The following THRB variants were observed in gnomAD, a reference collection of about 807,000 sequenced individuals.
THRB encodes thyroid hormone receptor beta.
THRB carries 12 observed loss-of-function variants against 47.8 expected under a neutral mutation model. The ratio of observed to expected loss-of-function variants is 0.25; its 90% CI spans 0.16 to 0.41. The LOEUF is 0.41. Among genes scored for constraint, THRB ranks in the 10% least tolerant of loss-of-function variants. THRB has a pLI of 1.00. For missense variants in THRB, 348 were observed against 589.2 expected (o/e 0.59, Z 4.24); for synonymous variants, 218 against 212.2 (o/e 1.03, Z -0.24).
At chr3:24,492,486 A>G (rs1296348841) in intron 1 of THRB, among the ~76,000 whole-genome samples, 3 of 152,216 alleles carry the variant, frequency 2.0e-5, no homozygotes, top group Non-Finnish European at 4.4e-5. Context: ...CTAGAATGAG[A>G]AGACCAGGGC....
chr3:24,146,632 A>C, intron 7 of THRB, 43 bp downstream of exon 7: 1 of 1,609,160 alleles, frequency 6.2e-7, no homozygotes, highest in Non-Finnish European at 8.5e-7. Context: ...ACTGTTTCCT[A>C]ATCAACATTC....
intron 3 of THRB, among the ~76,000 whole-genome samples, chr3:24,294,062 C>G (rs947685684): frequency 6.6e-6 from 1 of 152,214 alleles, no homozygotes; most frequent in African/African-American, 2.4e-5. Flanking sequence ...TTGCTTTGAT[C>G]AACAGAGTGC....
chr3:24,242,441 G>A (rs1407289961), intron 3 of THRB, among the ~76,000 whole-genome samples: 1 of 151,878 alleles, frequency 6.6e-6, no homozygotes, highest in Non-Finnish European at 1.5e-5. Context: ...TCATCCCTCT[G>A]AATTAGAAAT....
At chr3:24,489,188 G>C (rs978793129) in intron 1 of THRB, among the ~76,000 whole-genome samples, 2 of 151,812 alleles carry the variant, frequency 1.3e-5, no homozygotes, top group African/African-American at 4.8e-5. Context: ...GTTGCAGTGA[G>C]CCGAGGTTGC....
chr3:24,172,379 G>C (rs1475527698), intron 5 of THRB, among the ~76,000 whole-genome samples: 3 of 152,124 alleles, frequency 2.0e-5, no homozygotes, highest in African/African-American at 7.2e-5. Context: ...CACAGGACAA[G>C]ACCAGGGCCT....
intron 1 of THRB, among the ~76,000 whole-genome samples, chr3:24,354,722 A>G (rs1389566468): frequency 6.6e-6 from 1 of 152,182 alleles, no homozygotes; most frequent in African/African-American, 2.4e-5. Flanking sequence ...GTAAAAGTGA[A>G]GAGCAAACTT....
chr3:24,159,140 T>C lies in THRB; in HGVS notation c.284-6650A>G, dbSNP rs551992559. 3.9e-5 allele frequency among the ~76,000 whole-genome samples: 6 copies of C among 152,306 alleles called. No homozygotes were observed. In the South Asian group the frequency reaches 1.0e-3, roughly 26 times the overall value. ...CAAGTGTCATTTCTTTACCTGAAAA[T>C]CCATTCAGAATGGGATTCAAGGTTA... On this transcript the variant is annotated intron_variant, in intron 5 of 10. Coordinates refer to ENST00000646209, the MANE Select transcript of THRB (RefSeq NM_001354712.2).
chr3:24,165,549 A>T (rs1286653710), intron 5 of THRB: 10 of 555,220 alleles, frequency 1.8e-5, no homozygotes, highest in Non-Finnish European at 3.2e-5. Flanking sequence ...ATAGCACCTG[A>T]TGTGCTAAAA....
At chr3:24,373,774 A>C (rs2065078208) in intron 1 of THRB, among the ~76,000 whole-genome samples, 1 of 152,062 alleles carries the variant, frequency 6.6e-6, no homozygotes, top group Admixed American at 6.6e-5. Flanking sequence ...TCAGATTGAA[A>C]ACCTAACTTA....
At chr3:24,227,261 G>C (rs984132257) in intron 4 of THRB, among the ~76,000 whole-genome samples, 1 of 152,162 alleles carries the variant, frequency 6.6e-6, no homozygotes, top group Non-Finnish European at 1.5e-5. Context: ...CTGCTGTCTG[G>C]TATCTGTGTG....
At chr3:24,372,476 T>A (rs1376847167) in intron 1 of THRB, among the ~76,000 whole-genome samples, 1 of 152,132 alleles carries the variant, frequency 6.6e-6, no homozygotes, top group Admixed American at 6.6e-5. Flanking sequence ...AGTTCCCTTA[T>A]AAGAAAATCA....
At chr3:24,488,993 T>C (rs1227696162) in intron 1 of THRB, among the ~76,000 whole-genome samples, 2 of 152,210 alleles carry the variant, frequency 1.3e-5, no homozygotes, top group Admixed American at 6.5e-5. Flanking sequence ...TGGTGGTTCA[T>C]GCCTGTAATC....
chr3:24,143,726 G>A lies in THRB; in HGVS notation c.533-20C>T. 2 of 1,613,338 alleles carry A rather than the reference G, an allele frequency of 1.2e-6. No homozygotes were observed. The highest frequency in any genetic ancestry group is 1.7e-6 in the Non-Finnish European group (2 of 1,179,392). On this transcript the variant is annotated intron_variant, in intron 7 of 10. Coordinates refer to ENST00000646209, the MANE Select transcript of THRB (RefSeq NM_001354712.2). Reference sequence around the variant, plus strand: ...GCACCACTGGGAGGGGGAGAAAGATGAGACAAGGCACACAGATGCTCCCAA... The same window carrying A: ...GCACCACTGGGAGGGGGAGAAAGATAAGACAAGGCACACAGATGCTCCCAA...
intron 3 of THRB, among the ~76,000 whole-genome samples, chr3:24,279,724 G>A (rs1172263291): frequency 6.6e-6 from 1 of 151,958 alleles, no homozygotes; most frequent in Admixed American, 6.6e-5. Flanking sequence ...TCTACTTTTA[G>A]ATCACTTCAA....
At chr3:24,261,388 A>G (rs2051981738) in intron 3 of THRB, among the ~76,000 whole-genome samples, 2 of 150,732 alleles carry the variant, frequency 1.3e-5, no homozygotes, top group African/African-American at 4.9e-5. Context: ...AATCCCAGCT[A>G]CTCAAGAGGC....
rs150800786 is a variant in THRB, at chr3:24,241,626, C to A, written c.-42-12625G>T. Among the ~76,000 whole-genome samples, 334 of 152,112 alleles carry A rather than the reference C, an allele frequency of 2.2e-3. 1 individual carries two copies. The highest frequency in any genetic ancestry group is 7.7e-3 in the African/African-American group (319 of 41,506). On this transcript the variant is annotated intron_variant, in intron 3 of 10. Transcript: ENST00000646209. ...TTAGCTAGGTGCTAGAGAACAGATC[C>A]AAAAAGGGGTACCTGCTATTGCACC...
chr3:24,182,549 C>T (rs932463080), intron 5 of THRB, among the ~76,000 whole-genome samples: 2 of 152,180 alleles, frequency 1.3e-5, no homozygotes, highest in African/African-American at 4.8e-5. Flanking sequence ...ATTATTCTGA[C>T]GTGGGCATTC....
chr3:24,261,341 A>T (rs542490188), intron 3 of THRB, among the ~76,000 whole-genome samples: 1 of 152,182 alleles, frequency 6.6e-6, no homozygotes, highest in South Asian at 2.1e-4. Flanking sequence ...TCTACTAAAA[A>T]TACAAAAATT....
chr3:24,447,111 T>C (rs2072172737), intron 1 of THRB, among the ~76,000 whole-genome samples: 1 of 152,190 alleles, frequency 6.6e-6, no homozygotes, highest in Admixed American at 6.5e-5. Context: ...TATATTTTAA[T>C]TATAAAATTA....
Sources: gnomAD v4.1 joint callset for allele counts (sites outside exome capture counted in the v4.1 genomes callset) on GRCh38, gnomAD v4.1.1 for gene constraint, MANE v1.5 for transcripts, NCBI Gene and HGNC (gene_info 2026-07-23, HGNC 2026-07-21) for gene names.